PLSCR2: variants seen among roughly 807,000 people sequenced by gnomAD.
The protein encoded by PLSCR2 is phospholipid scramblase 2.
In PLSCR2, 18 loss-of-function variants were observed where a neutral mutation model predicts 25.3. That is an observed-to-expected ratio of 0.71 (90% CI 0.49 to 1.06). The LOEUF is 1.06. Among genes scored for constraint, PLSCR2 ranks in the 50% least tolerant of loss-of-function variants. The pLI is 0.00. For missense variants in PLSCR2, 243 were observed against 269.5 expected, an observed-to-expected ratio of 0.90 and a Z score of 0.69; for synonymous variants, 88 against 87.3, an observed-to-expected ratio of 1.01 and a Z score of -0.04.
At position 146,466,417 on chromosome 3, in the gene PLSCR2, C is replaced by G. The variant is rs193156371; in HGVS notation, c.-292-6133G>C. ...AACTCCTAGTCTCGTTATCTGCCCA[C>G]CTCAGCCTCCCAAAGCGCTGGGATT... On this transcript the variant is annotated intron_variant, in intron 1 of 8. Transcript: ENST00000336685. Among the ~76,000 whole-genome samples, 58 of 152,312 alleles carry G rather than the reference C, an allele frequency of 3.8e-4. 1 individual carries two copies. The highest frequency in any genetic ancestry group is 7.2e-4 in the Admixed American group (11 of 15,310).
At chr3:146,420,496 T>C (rs1347678955) in intron 2 of PLSCR2, among the ~76,000 whole-genome samples, 3 of 152,168 alleles carry the variant, frequency 2.0e-5, no homozygotes, top group East Asian at 1.9e-4. Flanking sequence ...TAACGCTGTG[T>C]TGATTTTTTT....
intron 2 of PLSCR2, among the ~76,000 whole-genome samples, chr3:146,420,206 T>C (rs2039102457): frequency 6.6e-6 from 1 of 152,094 alleles, no homozygotes; most frequent in Non-Finnish European, 1.5e-5. Flanking sequence ...TGATTGCTTT[T>C]ATAGAGGAGT....
intron 2 of PLSCR2, among the ~76,000 whole-genome samples, chr3:146,418,480 A>G (rs1372057740): frequency 6.6e-6 from 1 of 152,200 alleles, no homozygotes; most frequent in East Asian, 1.9e-4. Flanking sequence ...TCATAACACA[A>G]TGTAGGACAG....
intron 1 of PLSCR2, among the ~76,000 whole-genome samples, chr3:146,487,416 C>A (rs186830817): frequency 2.0e-5 from 3 of 151,960 alleles, no homozygotes; most frequent in African/African-American, 7.3e-5. Flanking sequence ...TTTAGAAAAC[C>A]CCATTATCTC....
rs141112911 is a variant in PLSCR2 at position 146,486,702 on chromosome 3, G to A, written c.-293+9193C>T. ...AATTGCCTACCAAAAAAAAACCCAG[G>A]ACAAGATAGATTTACAGCTGAATTC... On this transcript the variant is annotated intron_variant, in intron 1 of 8. Coordinates refer to the PLSCR2 transcript ENST00000336685. Among the ~76,000 whole-genome samples, 964 of 151,938 alleles carry A rather than the reference G, an allele frequency of 6.3e-3. 8 individuals are homozygous for A. The highest frequency in any genetic ancestry group is 0.022 in the African/African-American group (905 of 41,448).
intron 5 of PLSCR2, among the ~76,000 whole-genome samples, chr3:146,450,400 G>A (rs906747251): frequency 6.6e-6 from 1 of 152,288 alleles, no homozygotes; most frequent in South Asian, 2.1e-4. Context: ...TGAAATAAAT[G>A]TCTAATATAA....
intron 3 of PLSCR2, among the ~76,000 whole-genome samples, chr3:146,394,173 C>A (rs899424374): frequency 3.9e-5 from 6 of 151,922 alleles, no homozygotes; most frequent in African/African-American, 1.5e-4. Flanking sequence ...TATCCATATT[C>A]TCTTTCTTTC....
chr3:146,424,219 T>C (rs557957499), intron 2 of PLSCR2, among the ~76,000 whole-genome samples: 1 of 152,232 alleles, frequency 6.6e-6, no homozygotes, highest in African/African-American at 2.4e-5. Flanking sequence ...CTTCTCACTA[T>C]GTCCTCCCTT....
chr3:146,465,809 A>G (rs982415514), intron 1 of PLSCR2, among the ~76,000 whole-genome samples: 3 of 152,250 alleles, frequency 2.0e-5, no homozygotes, highest in Admixed American at 2.0e-4. Flanking sequence ...CAAATTAAAT[A>G]GCTTTCACAT....
At chr3:146,411,045 T>C (rs373216397) in intron 2 of PLSCR2, among the ~76,000 whole-genome samples, 8 of 151,942 alleles carry the variant, frequency 5.3e-5, no homozygotes, top group African/African-American at 1.9e-4. Context: ...TCCTCCCCCA[T>C]CCACACACCA....
At chr3:146,463,523 G>A (rs1031765476), upstream of PLSCR2, among the ~76,000 whole-genome samples, 3 of 152,130 alleles carry the variant, frequency 2.0e-5, no homozygotes, top group African/African-American at 4.8e-5. Context: ...GCCTTCTGAT[G>A]CCTTGACCCC....
At chr3:146,489,134 G>C (rs2043453898) in intron 1 of PLSCR2, among the ~76,000 whole-genome samples, 1 of 152,082 alleles carries the variant, frequency 6.6e-6, no homozygotes, top group Admixed American at 6.5e-5. Context: ...CATAGACACA[G>C]GGAGGGGAGC....
intron 4 of PLSCR2, among the ~76,000 whole-genome samples, chr3:146,454,594 G>T (rs957350864): frequency 1.3e-5 from 2 of 152,046 alleles, no homozygotes; most frequent in African/African-American, 4.8e-5. Context: ...TCCTGGAAAA[G>T]GCCAACTTTC....
intron 1 of PLSCR2, among the ~76,000 whole-genome samples, chr3:146,473,683 T>G (rs1383261135): frequency 1.3e-5 from 2 of 152,244 alleles, no homozygotes; most frequent in Non-Finnish European, 2.9e-5. Context: ...AAACTCAGTA[T>G]CTGCTCTTAC....
At chr3:146,469,261 T>C in intron 1 of PLSCR2, 3 of 985,618 alleles carry the variant, frequency 3.0e-6, no homozygotes, top group Non-Finnish European at 2.4e-6. Flanking sequence ...GCAAGGCGTT[T>C]TCAGGCAGGA....
intron 2 of PLSCR2, among the ~76,000 whole-genome samples, chr3:146,399,906 T>C (rs2038406861): frequency 6.6e-6 from 1 of 151,748 alleles, no homozygotes; most frequent in African/African-American, 2.4e-5. Context: ...AATATGGTGG[T>C]AATGGTGGTA....
intron 1 of PLSCR2, among the ~76,000 whole-genome samples, chr3:146,475,328 A>G (rs2108509661): frequency 6.6e-6 from 1 of 151,634 alleles, no homozygotes; most frequent in East Asian, 1.9e-4. Context: ...GGGTTTTTGT[A>G]GGGGCCATTT....
exon 5 of PLSCR2, chr3:146,454,078 T>C (rs2041056150): frequency 6.2e-7 from 1 of 1,610,828 alleles, no homozygotes; most frequent in Non-Finnish European, 8.5e-7. Flanking sequence ...TCTTTTCTGA[T>C]TTTTAATTGT....
intron 1 of PLSCR2, among the ~76,000 whole-genome samples, 192 bp from the exon 1 acceptor site, chr3:146,469,753 G>A (rs2042036968): frequency 6.6e-6 from 1 of 150,940 alleles, no homozygotes; most frequent in Non-Finnish European, 1.5e-5. Flanking sequence ...GCTGGAGCGC[G>A]GCCGAGCTGG....
Sources: gnomAD v4.1 joint callset for allele counts (sites outside exome capture counted in the v4.1 genomes callset) on GRCh38, gnomAD v4.1.1 for gene constraint, MANE v1.5 for transcripts, NCBI Gene and HGNC (gene_info 2026-07-23, HGNC 2026-07-21) for gene names.